The following CNBD1 variants were observed in gnomAD, a reference collection of about 807,000 sequenced individuals.
The protein encoded by CNBD1 is cyclic nucleotide-binding domain-containing protein 1.
In CNBD1, 71 loss-of-function variants were observed where a neutral mutation model predicts 54.4. The ratio of observed to expected loss-of-function variants is 1.30; its 90% CI spans 1.08 to 1.59. The LOEUF is 1.59. Ranked by LOEUF, CNBD1 falls within the 40% of genes most tolerant of loss-of-function variation. CNBD1 has a pLI of 0.00. For synonymous variants in CNBD1, 182 were observed against 170.7 expected (o/e 1.07, Z -0.51); for missense variants, 659 against 518.0 (o/e 1.27, Z -2.64).
chr8:87,377,986 T>A (rs1176466781), intron 10 of CNBD1, among the ~76,000 whole-genome samples: 2 of 139,272 alleles, frequency 1.4e-5, no homozygotes, highest in Non-Finnish European at 3.1e-5. Flanking sequence ...CTTTGCCCAC[T>A]TTTTGATGGG....
intron 4 of CNBD1, among the ~76,000 whole-genome samples, chr8:87,123,872 T>G (rs928921779): frequency 6.6e-6 from 1 of 151,578 alleles, no homozygotes. Flanking sequence ...TAATAACTAA[T>G]TGGATAATCT....
intron 4 of CNBD1, among the ~76,000 whole-genome samples, chr8:87,079,765 G>A (rs1294364022): frequency 6.6e-6 from 1 of 151,966 alleles, no homozygotes; most frequent in African/African-American, 2.4e-5. Context: ...TTCCAATTCT[G>A]TGGCTTGCAT....
intron 4 of CNBD1, among the ~76,000 whole-genome samples, chr8:86,942,626 G>A (rs5002011): frequency 0.084 from 12,806 of 152,214 alleles, 599 homozygotes; most frequent in Middle Eastern, 0.11. Context: ...AGCTAGCAAG[G>A]GAGAGTCTGT....
At chr8:87,278,516 A>G (rs561810716) in intron 6 of CNBD1, among the ~76,000 whole-genome samples, 1 of 151,672 alleles carries the variant, frequency 6.6e-6, no homozygotes, top group Non-Finnish European at 1.5e-5. Flanking sequence ...TTTTTAAAGC[A>G]TTCAGGAAAA....
intron 4 of CNBD1, among the ~76,000 whole-genome samples, chr8:86,983,955 C>T (rs968206128): frequency 9.8e-5 from 15 of 152,286 alleles, no homozygotes; most frequent in African/African-American, 3.6e-4. Context: ...TTGTTCATCA[C>T]CAAAACAATG....
At chr8:87,188,437 T>C (rs1417566280) in intron 4 of CNBD1, among the ~76,000 whole-genome samples, 1 of 152,048 alleles carries the variant, frequency 6.6e-6, no homozygotes, top group African/African-American at 2.4e-5. Flanking sequence ...GCTGAATAAA[T>C]AAATGAAGGA....
chr8:87,364,816 A>T (rs1225943927), intron 10 of CNBD1, among the ~76,000 whole-genome samples: 7 of 152,090 alleles, frequency 4.6e-5, no homozygotes. Flanking sequence ...TGCAAAGGAC[A>T]TGATATCATT....
intron 4 of CNBD1, among the ~76,000 whole-genome samples, chr8:87,068,046 G>C (rs191382061): frequency 2.0e-5 from 3 of 152,052 alleles, no homozygotes; most frequent in African/African-American, 7.2e-5. Context: ...TTGAACATAC[G>C]TTAAGCATTC....
chr8:87,329,437 G>T (rs1015917538), intron 8 of CNBD1, among the ~76,000 whole-genome samples: 4 of 152,016 alleles, frequency 2.6e-5, no homozygotes, highest in Non-Finnish European at 1.5e-5. Context: ...ATGTCTGCAA[G>T]GTAGCTTATG....
chr8:87,308,756 C>T (rs1201750839), intron 8 of CNBD1, among the ~76,000 whole-genome samples: 2 of 152,050 alleles, frequency 1.3e-5, no homozygotes, highest in Non-Finnish European at 2.9e-5. Flanking sequence ...CCTGACCCTT[C>T]CTAGCCTCTC....
At chr8:87,350,256 A>T (rs1011123451) in intron 8 of CNBD1, among the ~76,000 whole-genome samples, 1 of 152,166 alleles carries the variant, frequency 6.6e-6, no homozygotes, top group East Asian at 1.9e-4. Flanking sequence ...TTTCTGCTGT[A>T]AAAAAAGACA....
intron 4 of CNBD1, among the ~76,000 whole-genome samples, chr8:87,124,338 T>A (rs1811950966): frequency 6.6e-6 from 1 of 151,600 alleles, no homozygotes; most frequent in South Asian, 2.1e-4. Context: ...CTTAATAAAT[T>A]TAAGAAGATT....
chr8:86,888,943 T>A (rs1258796120), intron 2 of CNBD1, among the ~76,000 whole-genome samples: 1 of 152,182 alleles, frequency 6.6e-6, no homozygotes, highest in Admixed American at 6.5e-5. Context: ...TCTAAATAAA[T>A]GTGATCAGCC....
Position 87,151,374 on chromosome 8 carries a change from C to T in CNBD1, c.432-54619C>T, listed in dbSNP as rs74687756. On this transcript the variant is annotated intron_variant, in intron 4 of 10. Transcript: ENST00000518476. ...AAATTCTCCATACTAATGAAACTCA[C>T]ATTCTAGTGGGAAAGCAACATATAG... 1.5e-4 allele frequency among the ~76,000 whole-genome samples: 23 copies of T among 152,312 alleles called. No homozygotes were observed. The East Asian group carries it at 4.1e-3, about 27-fold the overall frequency.
At chr8:87,087,275 GTA>G (rs371657712) in intron 4 of CNBD1, among the ~76,000 whole-genome samples, 20 of 132,118 alleles carry the variant, frequency 1.5e-4, no homozygotes, top group East Asian at 2.1e-4. Context: ...ATATATATAC[GTA>G]TATATATATA....
At chr8:87,005,286 C>T (rs983701700) in intron 4 of CNBD1, among the ~76,000 whole-genome samples, 25 of 151,746 alleles carry the variant, frequency 1.6e-4, no homozygotes, top group Middle Eastern at 3.4e-3. Flanking sequence ...AGGAGAATGG[C>T]GTGAACCCAG....
At chr8:87,349,760 A>G (rs1810247558) in intron 8 of CNBD1, among the ~76,000 whole-genome samples, 1 of 152,224 alleles carries the variant, frequency 6.6e-6, no homozygotes, top group East Asian at 1.9e-4. Flanking sequence ...ATTGAGATGA[A>G]TATTTGCTAT....
At chr8:87,034,046 C>T (rs1164375118) in intron 4 of CNBD1, among the ~76,000 whole-genome samples, 1 of 152,120 alleles carries the variant, frequency 6.6e-6, no homozygotes, top group African/African-American at 2.4e-5. Context: ...ATAAAAAGAG[C>T]AAGGTTTTCA....
chr8:86,868,644 T>C (rs772636168), intron 1 of CNBD1, among the ~76,000 whole-genome samples: 1 of 152,182 alleles, frequency 6.6e-6, no homozygotes, highest in Non-Finnish European at 1.5e-5. Context: ...TCTGTATTTA[T>C]ATGTGAATAT....
Sources: gnomAD v4.1 joint callset for allele counts (sites outside exome capture counted in the v4.1 genomes callset) on GRCh38, gnomAD v4.1.1 for gene constraint, MANE v1.5 for transcripts, NCBI Gene and HGNC (gene_info 2026-07-23, HGNC 2026-07-21) for gene names.